Variants in HMGN5 observed in about 807,000 individuals in gnomAD.
HMGN5 encodes the protein high mobility group nucleosome binding domain 5.
Under a neutral mutation model 9.5 loss-of-function variants are expected in HMGN5, and 4 were observed. The observed-to-expected ratio is 0.42, with a 90% CI of 0.21 to 0.96. The LOEUF is 0.96. Ranked by LOEUF, HMGN5 falls within the 40% of genes least tolerant of loss-of-function variation. HMGN5 has a pLI of 0.30. For missense variants in HMGN5, 192 were observed against 187.5 expected (o/e 1.02, Z -0.14); for synonymous variants, 55 against 57.1 (o/e 0.96, Z 0.16).
chrX:81,165,846 T>C (rs1467794276), intron 1 of HMGN5, among the ~76,000 whole-genome samples: 2 of 111,965 alleles, frequency 1.8e-5, no homozygotes, highest in Non-Finnish European at 3.8e-5. Flanking sequence ...TAAATGATTA[T>C]ATCGTTAATG....
chrX:81,143,255 C>A (rs958639618), intron 1 of HMGN5, among the ~76,000 whole-genome samples: 2 of 111,218 alleles, frequency 1.8e-5, no homozygotes, highest in Non-Finnish European at 3.8e-5. Context: ...AAACAAATAA[C>A]AAAATGGCAG....
chrX:81,151,232 A>G (rs1280684218), intron 1 of HMGN5, among the ~76,000 whole-genome samples: 1 of 111,668 alleles, frequency 9.0e-6, no homozygotes, highest in Non-Finnish European at 1.9e-5. Context: ...TGTTTTTCTC[A>G]GGTTTGTCAA....
intron 1 of HMGN5, among the ~76,000 whole-genome samples, chrX:81,133,365 C>T (rs1378598064): frequency 1.8e-5 from 2 of 111,206 alleles, no homozygotes; most frequent in African/African-American, 6.5e-5. Flanking sequence ...GTGTATATAA[C>T]CAAAGGAATG....
chrX:81,119,626 T>C (rs1010738298), intron 3 of HMGN5, among the ~76,000 whole-genome samples, 162 bp downstream of exon 3: 2 of 112,474 alleles, frequency 1.8e-5, no homozygotes, highest in African/African-American at 6.5e-5. Flanking sequence ...AAGTCCTCTC[T>C]TCTGAAATTC....
intron 1 of HMGN5, among the ~76,000 whole-genome samples, chrX:81,133,564 G>A (rs1164256715): frequency 9.0e-6 from 1 of 111,501 alleles, no homozygotes; most frequent in Non-Finnish European, 1.9e-5. Flanking sequence ...GCAGGGACAT[G>A]TATGGAGCTG....
intron 5 of HMGN5, among the ~76,000 whole-genome samples, chrX:81,116,787 TAGTG>T (rs1465316686): frequency 3.6e-5 from 4 of 111,981 alleles, no homozygotes; most frequent in Non-Finnish European, 5.6e-5. Context: ...GAAATGCTGT[TAGTG>T]AGAACAACAA....
intron 1 of HMGN5, among the ~76,000 whole-genome samples, chrX:81,196,962 A>T (rs2075510405): frequency 9.0e-6 from 1 of 111,501 alleles, no homozygotes; most frequent in Non-Finnish European, 1.9e-5. Flanking sequence ...AAGTCTCCTG[A>T]GGCCTCCCCA....
At chrX:81,166,136 A>G (rs2075410534) in intron 1 of HMGN5, among the ~76,000 whole-genome samples, 1 of 111,106 alleles carries the variant, frequency 9.0e-6, no homozygotes, top group African/African-American at 3.3e-5. Flanking sequence ...ATGTCTCCAG[A>G]CATTGCTAAA....
intron 1 of HMGN5, among the ~76,000 whole-genome samples, chrX:81,131,296 T>C (rs2075297207): frequency 9.0e-6 from 1 of 111,524 alleles, no homozygotes; most frequent in South Asian, 3.7e-4. Flanking sequence ...GTTTTTTATA[T>C]AACTGGACAT....
chrX:81,177,118 A>G (rs1390324254), intron 1 of HMGN5, among the ~76,000 whole-genome samples: 1 of 109,893 alleles, frequency 9.1e-6, no homozygotes, highest in African/African-American at 3.3e-5. Context: ...ACAAGCCAGA[A>G]GAGACTGGAG....
At chrX:81,149,795 T>C (rs1243285828) in intron 1 of HMGN5, among the ~76,000 whole-genome samples, 1 of 111,777 alleles carries the variant, frequency 8.9e-6, no homozygotes, top group Non-Finnish European at 1.9e-5. Context: ...AAGACAAAAC[T>C]ATAACAAGAG....
chrX:81,127,290 G>A (rs556013984), intron 1 of HMGN5, among the ~76,000 whole-genome samples: 186 of 111,466 alleles, frequency 1.7e-3, no homozygotes, highest in Middle Eastern at 9.2e-3. Context: ...AATGCCCCAG[G>A]CTGCCTATAT....
chrX:81,121,564 A>G lies in HMGN5; in HGVS notation c.-15T>C, dbSNP rs1232831598. ...CTTTTGGGCATTGTTGTAGCTCTCT[A>G]TAGGAGATCTTAGTCAGCAGAAAAA... On this transcript the variant is annotated 5_prime_UTR_variant, in exon 2 of 7. Transcript: ENST00000358130. 1 of 1,172,623 alleles carries G rather than the reference A, an allele frequency of 8.5e-7. No individual in the cohort carries two copies.
intron 1 of HMGN5, among the ~76,000 whole-genome samples, chrX:81,180,134 C>T (rs1230424849): frequency 9.0e-6 from 1 of 111,682 alleles, no homozygotes; most frequent in Non-Finnish European, 1.9e-5. Flanking sequence ...ATTCAGGACA[C>T]AGGCATGGGC....
At chrX:81,121,444 T>C in intron 2 of HMGN5, 91 bp downstream of exon 2, 1 of 976,600 alleles carries the variant, frequency 1.0e-6, no homozygotes, top group South Asian at 1.9e-5. Context: ...CAAAAAGCTT[T>C]AAAAAAAACC....
Position 81,138,501 on chromosome X carries a change from G to C in HMGN5, c.-123-16829C>G, listed in dbSNP as rs936514627. Among the ~76,000 whole-genome samples, 5 of 111,159 alleles carry C rather than the reference G, an allele frequency of 4.5e-5. No individual in the cohort carries two copies. The East Asian group carries it at 1.4e-3, about 31-fold the overall frequency. On this transcript the variant is annotated intron_variant, in intron 1 of 6. Transcript: ENST00000358130. ...CAATAGAGAGAAATTACTTCAACTTGATAAAGAACATGTAAAAAATCCTAT... is the reference window on the plus strand; with the variant it reads ...CAATAGAGAGAAATTACTTCAACTTCATAAAGAACATGTAAAAAATCCTAT...
chrX:81,129,119 G>A (rs758229315), intron 1 of HMGN5, among the ~76,000 whole-genome samples: 15 of 111,446 alleles, frequency 1.3e-4, no homozygotes, highest in African/African-American at 4.2e-4. Flanking sequence ...TGCACATAGT[G>A]TCCCAGACTA....
intron 1 of HMGN5, among the ~76,000 whole-genome samples, chrX:81,158,116 A>G (rs762235852): frequency 7.2e-5 from 8 of 111,807 alleles, no homozygotes; most frequent in African/African-American, 2.6e-4. Flanking sequence ...ATACCTGAAA[A>G]AAAATGTGCA....
chrX:81,190,489 A>T (rs1258931941), intron 1 of HMGN5, among the ~76,000 whole-genome samples: 1 of 110,538 alleles, frequency 9.0e-6, no homozygotes, highest in Non-Finnish European at 1.9e-5. Flanking sequence ...TTCTTCCCAA[A>T]CCCTCACCAC....
Sources: allele counts gnomAD v4.1 joint callset (sites outside exome capture counted in the v4.1 genomes callset), GRCh38; gene constraint gnomAD v4.1.1; transcripts MANE v1.5; gene names NCBI Gene and HGNC (gene_info 2026-07-23, HGNC 2026-07-21).